The following STIMATE variants were observed in gnomAD, a reference collection of about 807,000 sequenced individuals.
STIMATE encodes STIM activating enhancer, also known as store-operated calcium entry regulator STIMATE.
In STIMATE, 15 loss-of-function variants were observed where a neutral mutation model predicts 36.7. The observed-to-expected ratio is 0.41, with a 90% CI of 0.27 to 0.63. The LOEUF (loss-of-function observed/expected upper bound fraction) is 0.63, where lower values mean the gene tolerates loss of function less well. Ranked by LOEUF, STIMATE falls within the 20% of genes least tolerant of loss-of-function variation. The pLI is 0.32. For missense variants in STIMATE, 305 were observed against 397.3 expected (o/e 0.77, Z 1.98); for synonymous variants, 163 against 162.3 (o/e 1.00, Z -0.03).
intron 1 of STIMATE, among the ~76,000 whole-genome samples, chr3:52,888,226 C>T (rs1701725940): frequency 6.6e-6 from 1 of 152,060 alleles, no homozygotes; most frequent in African/African-American, 2.4e-5. Context: ...GAAGAGCAGA[C>T]TTGTAACATA....
rs1366926793 is a variant in STIMATE, at chr3:52,836,910, C to T, written c.*3584G>A. On this transcript the variant is annotated 3_prime_UTR_variant, in exon 8 of 8. Coordinates refer to ENST00000355083, the MANE Select transcript of STIMATE (RefSeq NM_198563.5). ...GGGCCATGGTTTTCCTTGCATAGGT[C>T]TGACTTCTAACAAACTTCAGGAAAA... 5.2e-6 allele frequency: 1 copy of T among 192,094 alleles called. No homozygotes were observed. Among genetic ancestry groups the T allele is most frequent in the African/African-American group, 2.3e-5 (1 of 42,894 alleles). 11.9% of individuals were successfully genotyped at this position (192,094 alleles called of 1,614,324 possible).
chr3:52,891,976 A>C (rs1701790823), intron 1 of STIMATE, among the ~76,000 whole-genome samples: 1 of 152,210 alleles, frequency 6.6e-6, no homozygotes, highest in African/African-American at 2.4e-5. Flanking sequence ...AGAAAACTGA[A>C]GCTTTGAGAA....
intron 1 of STIMATE, among the ~76,000 whole-genome samples, chr3:52,867,144 G>A (rs1701325938): frequency 6.6e-6 from 1 of 152,190 alleles, no homozygotes; most frequent in African/African-American, 2.4e-5. Flanking sequence ...ACAGGAAGAG[G>A]CTCATGAACC....
rs186407740 is a variant in STIMATE at position 52,840,798 on chromosome 3, C to T, written c.769-188G>A. On this transcript the variant is annotated intron_variant, in intron 7 of 7. Coordinates refer to ENST00000355083, the MANE Select transcript of STIMATE (RefSeq NM_198563.5). ...CACTGCAACCTCTGCCTCCTGGGTT[C>T]GAGTGATTCTCCTGCCTCAGTCTCC... is the stretch of plus-strand genomic sequence containing the variant. Among the ~76,000 whole-genome samples the T allele has an allele frequency of 2.4e-4, 36 of 151,066 alleles. 1 individual carries two copies. The East Asian group carries it at 4.3e-3, about 18-fold the overall frequency.
intron 1 of STIMATE, among the ~76,000 whole-genome samples, chr3:52,856,039 T>TC (rs1701087165): frequency 6.6e-6 from 1 of 152,210 alleles, no homozygotes; most frequent in African/African-American, 2.4e-5. Context: ...GAAGAGACTT[T>TC]ACTGATGGGG....
Position 52,855,268 on chromosome 3 carries a change from AC to A in STIMATE, c.209+127del. ...TGAATTTAATTCAGGGATTCCACAT[AC>A]ATTATATTATGTATCATTTCTCACA... is the stretch of plus-strand genomic sequence containing the variant. On this transcript the variant is annotated intron_variant, in intron 2 of 7. Transcript: ENST00000355083. 3 of 1,192,028 alleles carry A rather than the reference AC, an allele frequency of 2.5e-6. No individual in the cohort carries two copies. In the South Asian group the frequency reaches 4.8e-5, roughly 19 times the overall value. 73.8% of individuals were successfully genotyped at this position (1,192,028 alleles called of 1,614,324 possible).
intron 1 of STIMATE, among the ~76,000 whole-genome samples, chr3:52,867,935 C>G (rs991274177): frequency 6.6e-6 from 1 of 152,204 alleles, no homozygotes; most frequent in Non-Finnish European, 1.5e-5. Flanking sequence ...TCAAGCCATG[C>G]CTGGCTGGTC....
intron 4 of STIMATE, among the ~76,000 whole-genome samples, chr3:52,849,525 C>G (rs1218375254): frequency 6.6e-6 from 1 of 152,198 alleles, no homozygotes; most frequent in African/African-American, 2.4e-5. Flanking sequence ...TTAGAAGGAG[C>G]AGACATTCAG....
intron 1 of STIMATE, among the ~76,000 whole-genome samples, chr3:52,878,863 G>A (rs894680034): frequency 1.3e-5 from 2 of 152,152 alleles, no homozygotes; most frequent in Admixed American, 6.5e-5. Flanking sequence ...CTGCCTTCAG[G>A]AGTGGGTGGG....
intron 1 of STIMATE, among the ~76,000 whole-genome samples, chr3:52,894,665 G>A (rs1238533334): frequency 6.6e-6 from 1 of 152,016 alleles, no homozygotes; most frequent in Non-Finnish European, 1.5e-5. Context: ...TGAAATCAGG[G>A]AGGTGAAGTA....
chr3:52,890,932 C>T (rs1701773052), intron 1 of STIMATE, among the ~76,000 whole-genome samples: 1 of 152,124 alleles, frequency 6.6e-6, no homozygotes, highest in African/African-American at 2.4e-5. Context: ...GGTAGAATCA[C>T]CACCCTCTGC....
chr3:52,849,396 G>A (rs1230290265), intron 4 of STIMATE, among the ~76,000 whole-genome samples: 6 of 152,196 alleles, frequency 3.9e-5, no homozygotes, highest in Non-Finnish European at 7.3e-5. Flanking sequence ...GAACACCTTC[G>A]AAAAATGAGA....
intron 3 of STIMATE, among the ~76,000 whole-genome samples, chr3:52,850,645 C>A (rs1183736452): frequency 6.6e-6 from 1 of 152,206 alleles, no homozygotes; most frequent in Non-Finnish European, 1.5e-5. Context: ...GGAAAACAGC[C>A]TCTCGGGTTT....
intron 1 of STIMATE, among the ~76,000 whole-genome samples, chr3:52,855,948 G>A (rs892333348): frequency 6.6e-5 from 10 of 152,196 alleles, no homozygotes; most frequent in South Asian, 2.1e-4. Context: ...GAAGTCTGTC[G>A]CAGAACGATG....
At position 52,869,017 on chromosome 3, in the gene STIMATE, C is replaced by T. The variant is rs772322264; in HGVS notation, c.161-13573G>A. Among the ~76,000 whole-genome samples the T allele has an allele frequency of 6.9e-4, 105 of 152,088 alleles. 1 individual carries two copies. The highest frequency in any genetic ancestry group is 1.2e-3 in the Non-Finnish European group (83 of 67,996). On this transcript the variant is annotated intron_variant, in intron 1 of 7. Coordinates refer to ENST00000355083, the MANE Select transcript of STIMATE (RefSeq NM_198563.5). Reference sequence around the variant, plus strand: ...GATAAGGTCATGGGGTTTGCCATTGCCAAAATGGCACCACCAAGAGTTGCA... The same window carrying T: ...GATAAGGTCATGGGGTTTGCCATTGTCAAAATGGCACCACCAAGAGTTGCA...
rs961326755 is a variant in STIMATE, at chr3:52,850,001, T to C, written c.306-88A>G. On this transcript the variant is annotated intron_variant, in intron 3 of 7. Coordinates refer to ENST00000355083, the MANE Select transcript of STIMATE (RefSeq NM_198563.5). ...TGCAGGGTGGCCTGAGGGAAGCGGA[T>C]GGACCCAGCATTTGTTTGGGCCCAT... The C allele has an allele frequency of 6.2e-5, 93 of 1,500,064 alleles. No individual in the cohort carries two copies. In the African/African-American group the frequency reaches 1.1e-3, roughly 18 times the overall value. 92.9% of individuals were successfully genotyped at this position (1,500,064 alleles called of 1,614,324 possible). A position where few individuals can be genotyped will look rare whatever the true frequency, so the allele number is the denominator to read the frequency against.
At chr3:52,852,887 T>C (rs1701032764) in intron 2 of STIMATE, among the ~76,000 whole-genome samples, 189 bp from the exon 3 acceptor site, 1 of 152,214 alleles carries the variant, frequency 6.6e-6, no homozygotes, top group South Asian at 2.1e-4. Flanking sequence ...TCAATAACAC[T>C]GCCTTTGAAA....
chr3:52,859,054 T>C (rs1336495128), intron 1 of STIMATE, among the ~76,000 whole-genome samples: 2 of 151,286 alleles, frequency 1.3e-5, no homozygotes, highest in Non-Finnish European at 2.9e-5. Flanking sequence ...CCCAGCTATT[T>C]GGGAGGCAGA....
rs7623667 is a variant in STIMATE, at chr3:52,837,220, C to G, written c.*3274G>C. 136,495 of 153,104 alleles carry G rather than the reference C, an allele frequency of 0.89. 62,729 individuals are homozygous for G. The highest frequency in any genetic ancestry group is 1 in the Non-Finnish European group (68,553 of 68,640). 9.5% of individuals were successfully genotyped at this position (153,104 alleles called of 1,614,324 possible). A position where few individuals can be genotyped will look rare whatever the true frequency, so the allele number is the denominator to read the frequency against. On this transcript the variant is annotated 3_prime_UTR_variant, in exon 8 of 8. Transcript: ENST00000355083. ...CGAAAAGGCCAGTGAACTGCAAGGG[C>G]AGAGTGAGCTGCCAGCTGGGCGCTG...
Sources: gnomAD v4.1 joint callset for allele counts (sites outside exome capture counted in the v4.1 genomes callset) on GRCh38, gnomAD v4.1.1 for gene constraint, MANE v1.5 for transcripts, NCBI Gene and HGNC (gene_info 2026-07-23, HGNC 2026-07-21) for gene names.